Variants in CASK observed in about 807,000 individuals in gnomAD.
The protein encoded by CASK is calcium/calmodulin dependent serine protein kinase.
Under a neutral mutation model 82.9 loss-of-function variants are expected in CASK, and 4 were observed. That is an observed-to-expected ratio of 0.05 (90% CI 0.02 to 0.11). The LOEUF is 0.11. Among genes scored for constraint, CASK ranks in the 10% least tolerant of loss-of-function variants. The pLI, the probability that CASK is intolerant of heterozygous loss-of-function variation, is 1.00. For missense variants in CASK, 358 were observed against 720.9 expected (o/e 0.50, Z 5.76); for synonymous variants, 259 against 253.5 (o/e 1.02, Z -0.20).
At chrX:41,825,538 A>AT (rs2070645667) in intron 2 of CASK, among the ~76,000 whole-genome samples, 1 of 112,228 alleles carries the variant, frequency 8.9e-6, no homozygotes. Flanking sequence ...AGTATGTTTT[A>AT]TTTCATGAAA....
intron 2 of CASK, among the ~76,000 whole-genome samples, chrX:41,817,950 CT>C (rs1213398041): frequency 9.0e-6 from 1 of 110,908 alleles, no homozygotes; most frequent in African/African-American, 3.3e-5. Flanking sequence ...TATGTCAGTT[CT>C]CCCCCAAATT....
intron 5 of CASK, among the ~76,000 whole-genome samples, chrX:41,707,323 C>A (rs1190608496): frequency 8.9e-6 from 1 of 112,025 alleles, no homozygotes; most frequent in African/African-American, 3.3e-5. Context: ...GAGAGAGGGG[C>A]ACAGCCTGCT....
chrX:41,690,265 T>G (rs746902062), intron 5 of CASK, among the ~76,000 whole-genome samples: 21 of 110,724 alleles, frequency 1.9e-4, no homozygotes, highest in Non-Finnish European at 4.0e-4. Flanking sequence ...GTGAATGACA[T>G]TGTAATGTAC....
intron 2 of CASK, among the ~76,000 whole-genome samples, chrX:41,803,065 C>T (rs1193596382): frequency 9.0e-6 from 1 of 110,864 alleles, no homozygotes; most frequent in Non-Finnish European, 1.9e-5. Context: ...ACCTAGGGAA[C>T]AAAGACTCTA....
rs750903449 is a variant in CASK at position 41,610,013 on chromosome X, T to C, written c.1046A>G (p.Gln349Arg). The part of the protein sequence containing the change: ...GLLAAERAVS[Q>R]VLDSLEEIHA... The stretch of plus-strand genomic sequence containing the variant: ...AATCTCTTCCAGGCTGTCCAGCACC[T>C]GTGAGACTGCTCCTAAGGGGGACAA... Residue 349 changes from glutamine (Q) to arginine (R), a missense_variant, in exon 12 of 27, where the codon CAG (glutamine) becomes CGG (arginine). Coordinates refer to ENST00000378163, the MANE Select transcript of CASK (RefSeq NM_001367721.1). 1 of 1,210,323 alleles carries C rather than the reference T, an allele frequency of 8.3e-7. No homozygotes were observed. Among genetic ancestry groups the C allele is most frequent in the Admixed American group, 2.2e-5 (1 of 46,033 alleles).
At chrX:41,589,381 G>A in intron 13 of CASK, 134 bp downstream of exon 13, 2 of 492,215 alleles carry the variant, frequency 4.1e-6, no homozygotes, top group South Asian at 5.9e-5. Context: ...AATAAACTTA[G>A]AAATACTAAA....
chrX:41,541,649 T>C (rs2064947221), intron 22 of CASK, among the ~76,000 whole-genome samples: 1 of 112,533 alleles, frequency 8.9e-6, no homozygotes, highest in South Asian at 3.7e-4. Context: ...AAATGTTTAC[T>C]TTTAATCTCT....
intron 4 of CASK, 68 bp from the exon 5 acceptor site, chrX:41,739,524 C>T (rs761256049): frequency 1.4e-6 from 1 of 695,738 alleles, no homozygotes; most frequent in African/African-American, 2.1e-5. Context: ...ATACAGTGCT[C>T]CTAGTTTATA....
At chrX:41,634,386 T>C (rs2066521642) in intron 9 of CASK, among the ~76,000 whole-genome samples, 1 of 112,802 alleles carries the variant, frequency 8.9e-6, no homozygotes, top group Admixed American at 9.4e-5. Flanking sequence ...ATGACCCTGC[T>C]GATGTTCCTA....
At position 41,565,399 on chromosome X, in the gene CASK, G is replaced by A. The variant is rs767207482; in HGVS notation, c.1583-3755C>T. Among the ~76,000 whole-genome samples the A allele has an allele frequency of 7.4e-4, 82 of 111,344 alleles. 1 individual carries two copies. The South Asian group carries it at 8.8e-3, about 12-fold the overall frequency. ...ATAGATGCAATTAAAAATGATAAAC[G>A]GGATATCACCACCGATCCCACAGAA... On this transcript the variant is annotated intron_variant, in intron 16 of 26. Coordinates refer to ENST00000378163, the MANE Select transcript of CASK (RefSeq NM_001367721.1).
At chrX:41,550,280 G>A (rs1030288766) in intron 21 of CASK, among the ~76,000 whole-genome samples, 4 of 111,791 alleles carry the variant, frequency 3.6e-5, no homozygotes, top group South Asian at 7.5e-4. Context: ...ATCATATAGC[G>A]TGTTCTCTTT....
At chrX:41,717,547 T>C (rs1415333086) in intron 5 of CASK, among the ~76,000 whole-genome samples, 2 of 112,143 alleles carry the variant, frequency 1.8e-5, no homozygotes, top group African/African-American at 6.5e-5. Flanking sequence ...CAGTATTATA[T>C]TAATACCTTG....
intron 4 of CASK, among the ~76,000 whole-genome samples, chrX:41,744,260 T>C (rs1439666159): frequency 9.0e-6 from 1 of 111,541 alleles, no homozygotes; most frequent in Non-Finnish European, 1.9e-5. Context: ...TGATTGAATG[T>C]AACCAAAACA....
intron 16 of CASK, among the ~76,000 whole-genome samples, chrX:41,567,117 C>T (rs1309443871): frequency 8.9e-6 from 1 of 112,149 alleles, no homozygotes; most frequent in East Asian, 2.8e-4. Flanking sequence ...AAATGTTAGA[C>T]CTAAAACCAT....
At chrX:41,614,755 G>A (rs896325766) in intron 11 of CASK, among the ~76,000 whole-genome samples, 3 of 111,810 alleles carry the variant, frequency 2.7e-5, no homozygotes, top group African/African-American at 9.8e-5. Flanking sequence ...TCCTAACCTC[G>A]TGATCTGCCC....
Position 41,520,560 on chromosome X carries a change from T to A in CASK, c.2641A>T (p.Ile881Phe), listed in dbSNP as rs766656389. Reference sequence around the variant, plus strand: ...TAGTGTGCATATGTTCTCTGTAAGATGTCAGACTCCTTCTGCAGACGCTGA... The same window carrying A: ...TAGTGTGCATATGTTCTCTGTAAGAAGTCAGACTCCTTCTGCAGACGCTGA... ...SLQRLQKESD[I>F]LQRTYAHYFD... Residue 881 changes from isoleucine to phenylalanine, a missense_variant, in exon 27 of 27, where the codon ATC becomes TTC. By Grantham distance (21) the Ile-to-Phe change is conservative. Coordinates refer to ENST00000378163, the MANE Select transcript of CASK (RefSeq NM_001367721.1). The A allele has an allele frequency of 8.3e-7, 1 of 1,208,262 alleles. No individual in the cohort carries two copies. Among genetic ancestry groups the A allele is most frequent in the Admixed American group, 2.2e-5 (1 of 46,026 alleles).
intron 1 of CASK, among the ~76,000 whole-genome samples, chrX:41,885,115 C>T (rs938057258): frequency 8.9e-6 from 1 of 111,840 alleles, no homozygotes; most frequent in African/African-American, 3.3e-5. Context: ...CTGAGTCTGA[C>T]TGCCACATAT....
intron 5 of CASK, among the ~76,000 whole-genome samples, chrX:41,674,360 T>C (rs923134279): frequency 1.4e-4 from 16 of 111,188 alleles, no homozygotes; most frequent in African/African-American, 5.2e-4. Flanking sequence ...CTTGTGCACC[T>C]GACAAATAGA....
chrX:41,652,467 G>A (rs1205572195), intron 8 of CASK, among the ~76,000 whole-genome samples: 2 of 111,944 alleles, frequency 1.8e-5, no homozygotes, highest in Non-Finnish European at 3.8e-5. Flanking sequence ...ATGGCGTAAG[G>A]GCTATCTTTG....
Sources: allele counts gnomAD v4.1 joint callset (sites outside exome capture counted in the v4.1 genomes callset), GRCh38; gene constraint gnomAD v4.1.1; transcripts MANE v1.5; gene names NCBI Gene and HGNC (gene_info 2026-07-23, HGNC 2026-07-21).